B3GNT3: variants seen among roughly 807,000 people sequenced by gnomAD.
B3GNT3 encodes UDP-GlcNAc:betaGal beta-1,3-N-acetylglucosaminyltransferase 3, also known as N-acetyllactosaminide beta-1,3-N-acetylglucosaminyltransferase 3.
B3GNT3 carries 7 observed loss-of-function variants against 11.6 expected under a neutral mutation model. That is an observed-to-expected ratio of 0.60 (90% confidence interval 0.34 to 1.13). The LOEUF (loss-of-function observed/expected upper bound fraction) is 1.13. Ranked by LOEUF, B3GNT3 falls within the 50% of genes most tolerant of loss-of-function variation. The pLI, the probability that B3GNT3 is intolerant of heterozygous loss-of-function variation, is 0.03. For synonymous variants in B3GNT3, 201 were observed against 222.1 expected (o/e 0.90, Z 0.85); for missense variants, 400 against 507.4 (o/e 0.79, Z 2.03).
chr19:17,806,681 CG>C (rs988969938), intron 1 of B3GNT3, among the ~76,000 whole-genome samples: 1 of 151,996 alleles, frequency 6.6e-6, no homozygotes, highest in African/African-American at 2.4e-5. Flanking sequence ...CGGCTGGGGA[CG>C]GTGGCTCATG....
In B3GNT3 at chr19:17,807,937, C is replaced by T; in HGVS notation, c.130C>T (p.Pro44Ser). 1 of 1,613,380 alleles carries T rather than the reference C, an allele frequency of 6.2e-7. No individual in the cohort carries two copies. Among genetic ancestry groups the T allele is most frequent in the Non-Finnish European group, 8.5e-7 (1 of 1,179,904 alleles). Reference protein sequence around the residue: ...CKVQEQPPAIPEALAWPTPPT... With the variant: ...CKVQEQPPAISEALAWPTPPT... ...GGTCCAGGAGCAGCCACCGGCGATC[C>T]CCGAGGCCCTGGCCTGGCCCACTCC... The change falls in exon 2 of 3, where the codon CCC becomes TCC. Residue 44 changes from proline to serine, a missense_variant. By Grantham distance (74) the Pro-to-Ser change is moderately conservative. Coordinates refer to ENST00000318683, the MANE Select transcript of B3GNT3 (RefSeq NM_014256.4).
At position 17,811,589 on chromosome 19, in the gene B3GNT3, C is replaced by T; in HGVS notation, c.586C>T (p.Gln196Ter). ...TLKQVLFLQW[Q>*]ETRCANASFV... ...CCTGCAGGTCCTGTTCTTACAGTGG[C>T]AGGAGACAAGGTGCGCCAACGCCAG... Residue 196 changes from glutamine (Q) to a stop codon, truncating the protein, a stop_gained, in exon 3 of 3, where the codon CAG becomes TAG. Coordinates refer to ENST00000318683, the MANE Select transcript of B3GNT3 (RefSeq NM_014256.4). LOFTEE classifies it low-confidence loss of function (END_TRUNC). This position sits in a 1 kb window ranked among gnomAD's most constrained non-coding sequence, Gnocchi z 4.1. 1 of 1,612,034 alleles carries T rather than the reference C, an allele frequency of 6.2e-7. No homozygotes were observed.
intron 1 of B3GNT3, among the ~76,000 whole-genome samples, chr19:17,806,256 T>C (rs1190812396): frequency 1.3e-5 from 2 of 151,868 alleles, no homozygotes; most frequent in Non-Finnish European, 1.5e-5. Flanking sequence ...GTTGGGATTA[T>C]GGGTGTGAGC....
chr19:17,809,054 G>A (rs958751529), intron 2 of B3GNT3, among the ~76,000 whole-genome samples: 10 of 151,966 alleles, frequency 6.6e-5, no homozygotes, highest in Non-Finnish European at 1.0e-4. Context: ...GGGTAATCTC[G>A]AACTCCTGAC....
intron 1 of B3GNT3, among the ~76,000 whole-genome samples, chr19:17,803,853 T>TAAA (rs11318875): frequency 4.3e-5 from 6 of 140,462 alleles, no homozygotes; most frequent in African/African-American, 1.5e-4. Flanking sequence ...ATCCTATCAC[T>TAAA]AAAAAAAAAA....
intron 1 of B3GNT3, among the ~76,000 whole-genome samples, chr19:17,799,961 C>T (rs1249713601): frequency 1.3e-5 from 2 of 152,148 alleles, no homozygotes; most frequent in Admixed American, 1.3e-4. Context: ...TGTGCCACTC[C>T]CCATCACCTG....
At chr19:17,802,865 A>G (rs1280753591) in intron 1 of B3GNT3, among the ~76,000 whole-genome samples, 1 of 151,444 alleles carries the variant, frequency 6.6e-6, no homozygotes, top group African/African-American at 2.4e-5. Flanking sequence ...TTTTTTTTTA[A>G]TTTTTAGCAC....
intron 1 of B3GNT3, among the ~76,000 whole-genome samples, chr19:17,803,035 T>C (rs1402961348): frequency 6.6e-6 from 1 of 151,422 alleles, no homozygotes; most frequent in African/African-American, 2.4e-5. Flanking sequence ...AGACAGAATC[T>C]GGCTATATTG....
chr19:17,797,284 C>G (rs575964432), intron 1 of B3GNT3, among the ~76,000 whole-genome samples: 11 of 152,144 alleles, frequency 7.2e-5, no homozygotes, highest in Admixed American at 2.0e-4. Flanking sequence ...GAAATAATAT[C>G]ATGAATATTT....
In B3GNT3 at chr19:17,811,432, C is replaced by T. The variant is rs1568393016; in HGVS notation, c.568-139C>T. The T allele has an allele frequency of 1.1e-5, 9 of 842,670 alleles. 1 individual carries two copies. Among genetic ancestry groups the T allele is most frequent in the Non-Finnish European group, 1.6e-5 (9 of 559,574 alleles). 52.2% of individuals were successfully genotyped at this position (842,670 alleles called of 1,614,324 possible). ...GCACAGAGAGGGTTTCCCAAGTAAC[C>T]CCACAGGGCAGGGCCTTAACCCAGG... is the stretch of plus-strand genomic sequence containing the variant. On this transcript the variant is annotated intron_variant, in intron 2 of 2. Coordinates refer to ENST00000318683, the MANE Select transcript of B3GNT3 (RefSeq NM_014256.4). This position sits in a 1 kb window ranked among gnomAD's most constrained non-coding sequence, Gnocchi z 4.1.
At chr19:17,795,418 G>A (rs1366352584) in intron 1 of B3GNT3, among the ~76,000 whole-genome samples, 3 of 152,236 alleles carry the variant, frequency 2.0e-5, no homozygotes, top group Non-Finnish European at 2.9e-5. Flanking sequence ...TCGGACCTGG[G>A]TCGGGGAGGA....
chr19:17,795,575 T>A (rs1319950088), intron 1 of B3GNT3, among the ~76,000 whole-genome samples: 1 of 152,190 alleles, frequency 6.6e-6, no homozygotes, highest in Non-Finnish European at 1.5e-5. Flanking sequence ...GTTGGGAGTA[T>A]CTGGGCAAGC....
chr19:17,802,019 C>T (rs766563541), intron 1 of B3GNT3, among the ~76,000 whole-genome samples: 5 of 151,126 alleles, frequency 3.3e-5, no homozygotes, highest in African/African-American at 7.3e-5. Flanking sequence ...ACCTGGGAAG[C>T]GGGGGTTGCA....
rs926773722 is a variant in B3GNT3, at chr19:17,813,218, C to T, written c.*1096C>T. On this transcript the variant is annotated 3_prime_UTR_variant, in exon 3 of 3. Transcript: ENST00000318683. Reference sequence around the variant, plus strand: ...GGGGCCGTGGCTCAGGGCTGTAATTCTAGCACATTGGGAGACCAAAGTGGG... The same window carrying T: ...GGGGCCGTGGCTCAGGGCTGTAATTTTAGCACATTGGGAGACCAAAGTGGG... The T allele has an allele frequency of 6.6e-6, 1 of 152,060 alleles. No individual in the cohort carries two copies. The highest frequency in any genetic ancestry group is 1.9e-4 in the East Asian group (1 of 5,174). The allele number at this position is 152,060 out of a possible 1,614,324, so 9.4% of individuals were successfully genotyped here.
At chr19:17,807,709 A>C in intron 1 of B3GNT3, 49 bp from the exon 2 acceptor site, 3 of 1,199,854 alleles carry the variant, frequency 2.5e-6, no homozygotes, top group Non-Finnish European at 3.5e-6. Flanking sequence ...GGGCCACAGG[A>C]AAAGCGCTTT....
chr19:17,803,153 G>A (rs570600278), intron 1 of B3GNT3, among the ~76,000 whole-genome samples: 2 of 152,042 alleles, frequency 1.3e-5, no homozygotes, highest in Non-Finnish European at 2.9e-5. Flanking sequence ...TTACAGGCGT[G>A]TGCCACCACA....
At chr19:17,803,410 G>A (rs554894834) in intron 1 of B3GNT3, among the ~76,000 whole-genome samples, 7 of 152,270 alleles carry the variant, frequency 4.6e-5, no homozygotes, top group Admixed American at 6.5e-5. Flanking sequence ...CACCCCAGGC[G>A]GTGGCTTCTG....
chr19:17,807,960 T>TGCC lies in B3GNT3; in HGVS notation c.153_154insGCC (p.Thr51_Pro52insAla). ...TCCCCGAGGCCCTGGCCTGGCCCAC[T>TGCC]CCACCCACCCGCCCAGCCCCGGCCC... On this transcript the variant is annotated inframe_insertion, in exon 2 of 3. Coordinates refer to ENST00000318683, the MANE Select transcript of B3GNT3 (RefSeq NM_014256.4). 1 of 1,609,546 alleles carries TGCC rather than the reference T, an allele frequency of 6.2e-7. No homozygotes were observed. The highest frequency in any genetic ancestry group is 8.5e-7 in the Non-Finnish European group (1 of 1,178,128).
At chr19:17,807,159 C>A (rs1166465880) in intron 1 of B3GNT3, among the ~76,000 whole-genome samples, 1 of 36,984 alleles carries the variant, frequency 2.7e-5, no homozygotes, top group Non-Finnish European at 6.4e-5. Flanking sequence ...GGAGCAGGAA[C>A]CTCAGCACCC....
Sources: allele counts gnomAD v4.1 joint callset (sites outside exome capture counted in the v4.1 genomes callset), GRCh38; gene constraint gnomAD v4.1.1; non-coding constraint Gnocchi (gnomAD v3.1); transcripts MANE v1.5; gene names NCBI Gene and HGNC (gene_info 2026-07-23, HGNC 2026-07-21).